The following AGAP4 variants were observed in gnomAD, a reference collection of about 807,000 sequenced individuals.
The protein encoded by AGAP4 is ArfGAP with GTPase domain, ankyrin repeat and PH domain 4.
In AGAP4, 13 loss-of-function variants were observed where a neutral mutation model predicts 60.7. That is an observed-to-expected ratio of 0.21 (90% confidence interval 0.14 to 0.34). The LOEUF is 0.34. Ranked by LOEUF, AGAP4 falls within the 10% of genes least tolerant of loss-of-function variation. The pLI, the probability that AGAP4 is intolerant of heterozygous loss-of-function variation, is 1.00. For synonymous variants in AGAP4, 70 were observed against 339.0 expected, an observed-to-expected ratio of 0.21 and a Z score of 8.72; for missense variants, 169 against 884.0, an observed-to-expected ratio of 0.19 and a Z score of 10.26.
At chr10:45,835,858 A>C (rs2058807977) in intron 4 of AGAP4, among the ~76,000 whole-genome samples, 1 of 149,652 alleles carries the variant, frequency 6.7e-6, no homozygotes, top group Admixed American at 6.7e-5. Context: ...ATTACAGCAA[A>C]AACACTACTA....
Position 45,843,097 on chromosome 10 carries a change from G to C in AGAP4, c.361+1229C>G, listed in dbSNP as rs1417454560. 5.5e-5 allele frequency among the ~76,000 whole-genome samples: 5 copies of C among 91,390 alleles called. 2 individuals are homozygous for C. Among genetic ancestry groups the C allele is most frequent in the Non-Finnish European group, 1.1e-4 (5 of 44,838 alleles). 60.0% of individuals were successfully genotyped at this position (91,390 alleles called of 152,430 possible). A position where few individuals can be genotyped will look rare whatever the true frequency, so the allele number is the denominator to read the frequency against. On this transcript the variant is annotated intron_variant, in intron 3 of 7. Coordinates refer to ENST00000616763, the MANE Select transcript of AGAP4 (RefSeq NM_001276343.3). ...AGATCACTTGAGGTCAGGAGTTTCA[G>C]ACCAGTCTGGCTAACATGGTGAAAC... is the stretch of plus-strand genomic sequence containing the variant.
At chr10:45,849,473 G>GATGATGATTATTATTATT, upstream of AGAP4, among the ~76,000 whole-genome samples, 1 of 145,120 alleles carries the variant, frequency 6.9e-6, no homozygotes, top group African/African-American at 2.5e-5. Context: ...TGATGATGAT[G>GATGATGATTATTATTATT]ATTATTATTA....
upstream of AGAP4, among the ~76,000 whole-genome samples, chr10:45,849,473 G>GATTCTTATT (rs1554900084): frequency 6.9e-6 from 1 of 145,104 alleles, no homozygotes; most frequent in African/African-American, 2.5e-5. Context: ...TGATGATGAT[G>GATTCTTATT]ATTATTATTA....
intron 3 of AGAP4, among the ~76,000 whole-genome samples, chr10:45,842,645 G>A (rs2058938143): frequency 6.8e-6 from 1 of 147,288 alleles, no homozygotes; most frequent in Admixed American, 6.6e-5. Flanking sequence ...AATAATAAAA[G>A]CCCCAAGAGG....
At position 45,834,134 on chromosome 10, in the gene AGAP4, T is replaced by G. The variant is rs1350452311; in HGVS notation, c.397-18A>C. Reference sequence around the variant, plus strand: ...GTAGATACCTGAAGGGGAAGGGAAGTGTAAGTCAAACTTATCAAAGTGTAT... The same window carrying G: ...GTAGATACCTGAAGGGGAAGGGAAGGGTAAGTCAAACTTATCAAAGTGTAT... On this transcript the variant is annotated intron_variant, in intron 4 of 7. Transcript: ENST00000616763. 1.3e-6 allele frequency: 2 copies of G among 1,560,386 alleles called. No homozygotes were observed. Among genetic ancestry groups the G allele is most frequent in the Non-Finnish European group, 1.7e-6 (2 of 1,147,522 alleles).
rs1412937606 is a variant in AGAP4, at chr10:45,846,661, C to CA, written c.292+25dup. ...AAACAAAGTCCCACAGGATAATAAACAGAGCTACAGACACTGTTGTCTCAC... is the reference window on the plus strand; with the variant it reads ...AAACAAAGTCCCACAGGATAATAAACAAGAGCTACAGACACTGTTGTCTCAC... On this transcript the variant is annotated intron_variant, in intron 2 of 7. Coordinates refer to ENST00000616763, the MANE Select transcript of AGAP4 (RefSeq NM_001276343.3). 3.9e-6 allele frequency: 3 copies of CA among 762,814 alleles called. No homozygotes were observed. The African/African-American group carries it at 5.5e-5, about 14-fold the overall frequency. The allele number at this position is 762,814 out of a possible 1,614,324, so 47.3% of individuals were successfully genotyped here. A position where few individuals can be genotyped will look rare whatever the true frequency, so the allele number is the denominator to read the frequency against.
chr10:45,851,456 A>T (rs1160014333), upstream of AGAP4, among the ~76,000 whole-genome samples: 4 of 152,042 alleles, frequency 2.6e-5, no homozygotes, highest in African/African-American at 9.7e-5. Flanking sequence ...GAAAGCCACA[A>T]ATTAGCTATG....
At chr10:45,829,335 T>A (rs1297966424) in intron 6 of AGAP4, among the ~76,000 whole-genome samples, 2 of 145,748 alleles carry the variant, frequency 1.4e-5, no homozygotes, top group Non-Finnish European at 3.0e-5. Context: ...GAAGCGCTTT[T>A]TTTTTTTTTG....
chr10:45,835,182 C>T (rs1590023560), intron 4 of AGAP4, among the ~76,000 whole-genome samples: 2 of 130,050 alleles, frequency 1.5e-5, no homozygotes, highest in Non-Finnish European at 3.2e-5. Flanking sequence ...ATTACTAATC[C>T]TAAATGTATT....
At chr10:45,844,121 C>T (rs1299018916) in intron 3 of AGAP4, 1 of 597,898 alleles carries the variant, frequency 1.7e-6, no homozygotes, top group African/African-American at 2.0e-5. Flanking sequence ...AAAAAGATGG[C>T]AAAATGTATA....
At chr10:45,854,145 G>A (rs2059114401), upstream of AGAP4, 1 of 213,600 alleles carries the variant, frequency 4.7e-6, no homozygotes, top group South Asian at 7.9e-5. Flanking sequence ...TTGCTGTGAG[G>A]GATTTCCTTT....
chr10:45,852,217 T>TAAAAAAAAA (rs781889843), upstream of AGAP4, among the ~76,000 whole-genome samples: 12 of 91,708 alleles, frequency 1.3e-4, no homozygotes, highest in African/African-American at 6.6e-4. Flanking sequence ...GGCCAGACTT[T>TAAAAAAAAA]AAAAAAAAAA....
upstream of AGAP4, among the ~76,000 whole-genome samples, chr10:45,851,247 T>C (rs1389525704): frequency 9.7e-3 from 1,468 of 152,104 alleles, 29 homozygotes; most frequent in African/African-American, 0.034. Context: ...TGCACGGCAT[T>C]AAGTGAAGCT....
chr10:45,852,209 C>G (rs539988153), upstream of AGAP4, among the ~76,000 whole-genome samples: 47 of 123,720 alleles, frequency 3.8e-4, no homozygotes, highest in Admixed American at 2.2e-3. Context: ...CTGCACCCGG[C>G]CAGACTTTAA....
intron 3 of AGAP4, among the ~76,000 whole-genome samples, 172 bp from the exon 4 acceptor site, chr10:45,841,859 C>G (rs1247683863): frequency 1.5e-4 from 22 of 151,442 alleles, no homozygotes; most frequent in Non-Finnish European, 3.2e-4. Context: ...TTTCATAAGT[C>G]AAATCTAAAA....
intron 4 of AGAP4, among the ~76,000 whole-genome samples, chr10:45,838,684 C>T (rs1282646928): frequency 6.6e-6 from 1 of 151,260 alleles, no homozygotes; most frequent in African/African-American, 2.4e-5. Context: ...CGATCCTCTG[C>T]CTCAGCCTCC....
At chr10:45,835,045 TTA>T (rs2058796394) in intron 4 of AGAP4, among the ~76,000 whole-genome samples, 1 of 146,270 alleles carries the variant, frequency 6.8e-6, no homozygotes, top group Non-Finnish European at 1.5e-5. Context: ...AGTACTGGGA[TTA>T]CAGGCGTGAG....
At chr10:45,832,493 G>T (rs1469038335) in intron 5 of AGAP4, among the ~76,000 whole-genome samples, 2 of 145,872 alleles carry the variant, frequency 1.4e-5, no homozygotes, top group Admixed American at 6.8e-5. Flanking sequence ...ATTAGTATTG[G>T]GTATGGCTTT....
At chr10:45,838,322 G>C (rs2058857500) in intron 4 of AGAP4, among the ~76,000 whole-genome samples, 3 of 151,818 alleles carry the variant, frequency 2.0e-5, no homozygotes, top group African/African-American at 7.3e-5. Flanking sequence ...AGGGATAAAA[G>C]ACTACAAATT....
Sources: gnomAD v4.1 joint callset for allele counts (sites outside exome capture counted in the v4.1 genomes callset) on GRCh38, gnomAD v4.1.1 for gene constraint, MANE v1.5 for transcripts, NCBI Gene and HGNC (gene_info 2026-07-23, HGNC 2026-07-21) for gene names.